KIAA1671: variants seen among roughly 807,000 people sequenced by gnomAD.
The protein encoded by KIAA1671 is KIAA1671, also known as uncharacterized protein KIAA1671.
KIAA1671 carries 52 observed loss-of-function variants against 131.2 expected under a neutral mutation model. That is an observed-to-expected ratio of 0.40 (90% CI 0.32 to 0.50). KIAA1671 has a LOEUF of 0.50. Among genes scored for constraint, KIAA1671 ranks in the 20% least tolerant of loss-of-function variants. The pLI is 0.73. For missense variants in KIAA1671, 2,360 were observed against 2,364.2 expected, an observed-to-expected ratio of 1.00 and a Z score of 0.04; for synonymous variants, 1,003 against 961.6, an observed-to-expected ratio of 1.04 and a Z score of -0.80.
chr22:25,027,336 C>A (rs1162119079), intron 2 of KIAA1671, among the ~76,000 whole-genome samples: 2 of 152,194 alleles, frequency 1.3e-5, no homozygotes, highest in Non-Finnish European at 2.9e-5. Flanking sequence ...CTCCCAGGCA[C>A]TCCTGAGCTG....
chr22:24,993,671 G>A (rs1159071333), intron 1 of KIAA1671, among the ~76,000 whole-genome samples: 1 of 152,122 alleles, frequency 6.6e-6, no homozygotes, highest in African/African-American at 2.4e-5. Context: ...TAAACTCCAC[G>A]TAAACAGGAA....
At chr22:25,185,149 C>T (rs911216798) in intron 11 of KIAA1671, 30 bp downstream of exon 11, 1 of 1,522,684 alleles carries the variant, frequency 6.6e-7, no homozygotes, top group African/African-American at 1.4e-5. Context: ...GGGGGTCCCT[C>T]TCCTTCCAAA....
At position 25,069,325 on chromosome 22, in the gene KIAA1671, C is replaced by T. The variant is rs559164892; in HGVS notation, c.4530+19961C>T. Among the ~76,000 whole-genome samples the T allele has an allele frequency of 3.3e-5, 5 of 152,302 alleles. No homozygotes were observed. The South Asian group carries it at 1.0e-3, about 32-fold the overall frequency. On this transcript the variant is annotated intron_variant, in intron 6 of 12. Transcript: ENST00000358431. ...AGGCTCAGGAGGATGAGGTGACTTG[C>T]TAAAATCATGCTCTTTTGAAGGAAA...
At chr22:25,093,614 A>G (rs1047901224) in intron 6 of KIAA1671, among the ~76,000 whole-genome samples, 4 of 149,906 alleles carry the variant, frequency 2.7e-5, no homozygotes, top group Non-Finnish European at 4.4e-5. Context: ...GGAGGCAGTT[A>G]TTATTATACC....
intron 1 of KIAA1671, among the ~76,000 whole-genome samples, chr22:25,000,907 A>T (rs1174619287): frequency 6.6e-6 from 1 of 151,452 alleles, no homozygotes; most frequent in East Asian, 1.9e-4. Context: ...TCGGCATACC[A>T]AAGTGCTGGG....
intron 1 of KIAA1671, among the ~76,000 whole-genome samples, chr22:25,021,057 G>C (rs1485630338): frequency 1.3e-5 from 2 of 152,124 alleles, no homozygotes; most frequent in African/African-American, 2.4e-5. Context: ...AATCGTCAGT[G>C]AGGAGGCTGA....
intron 9 of KIAA1671, chr22:25,179,520 G>T (rs1934189201): frequency 4.4e-6 from 7 of 1,606,286 alleles, no homozygotes; most frequent in Non-Finnish European, 6.0e-6. Context: ...TGCTCGCGCG[G>T]CTCCACCAGC....
intron 6 of KIAA1671, among the ~76,000 whole-genome samples, chr22:25,091,817 C>G (rs1930042327): frequency 1.3e-5 from 2 of 152,166 alleles, no homozygotes; most frequent in Non-Finnish European, 2.9e-5. Context: ...AATGCTTCAA[C>G]CAGCAAGGAT....
chr22:25,066,267 G>C (rs1370255504), intron 6 of KIAA1671, among the ~76,000 whole-genome samples: 1 of 152,158 alleles, frequency 6.6e-6, no homozygotes, highest in Non-Finnish European at 1.5e-5. Context: ...TCCTACCTCA[G>C]CCTCCTGAGT....
intron 6 of KIAA1671, among the ~76,000 whole-genome samples, chr22:25,152,129 C>G (rs1042574838): frequency 2.0e-5 from 3 of 152,156 alleles, no homozygotes; most frequent in African/African-American, 7.2e-5. Flanking sequence ...CAGGTTACGC[C>G]CACTTTATTT....
At chr22:25,004,119 T>A (rs376145043) in intron 1 of KIAA1671, among the ~76,000 whole-genome samples, 144 of 98,886 alleles carry the variant, frequency 1.5e-3, no homozygotes, top group African/African-American at 1.6e-3. Context: ...GCCCGGCCAT[T>A]TTTTTTTTTT....
intron 6 of KIAA1671, among the ~76,000 whole-genome samples, chr22:25,149,823 T>A (rs1465334076): frequency 6.6e-6 from 1 of 151,744 alleles, no homozygotes; most frequent in Non-Finnish European, 1.5e-5. Flanking sequence ...ACATGGTCCC[T>A]GTACCTTTGC....
Position 25,029,351 on chromosome 22 carries a change from C to A in KIAA1671, c.1352C>A (p.Ala451Asp). The A allele has an allele frequency of 6.4e-7, 1 of 1,550,576 alleles. No homozygotes were observed. Among genetic ancestry groups the A allele is most frequent in the South Asian group, 1.2e-5 (1 of 83,932 alleles). The change falls in exon 3 of 13, where the codon GCC becomes GAC. Residue 451 changes from alanine (A) to aspartate (D), a missense_variant. Coordinates refer to ENST00000358431, the MANE Select transcript of KIAA1671 (RefSeq NM_001145206.2). The part of the protein sequence containing the change: ...ISLFREDSTL[A>D]LAVGSESPLA... ...CTGTTTCGGGAGGACAGCACCTTGG[C>A]CTTGGCAGTGGGGTCTGAATCTCCC... is the stretch of plus-strand genomic sequence containing the variant.
chr22:25,029,650 T>G, intron 3 of KIAA1671, 110 bp downstream of exon 3: 1 of 781,522 alleles, frequency 1.3e-6, no homozygotes, highest in Non-Finnish European at 2.0e-6. Flanking sequence ...AGTTTACCCA[T>G]AGCCCAAGAG....
intron 1 of KIAA1671, among the ~76,000 whole-genome samples, chr22:24,954,836 A>G (rs1325014869): frequency 6.6e-6 from 1 of 152,166 alleles, no homozygotes; most frequent in Non-Finnish European, 1.5e-5. Flanking sequence ...GCTAGAGTGC[A>G]ATGGCGCGAT....
intron 6 of KIAA1671, among the ~76,000 whole-genome samples, chr22:25,118,501 A>C (rs1412205988): frequency 1.3e-5 from 2 of 152,044 alleles, no homozygotes; most frequent in Non-Finnish European, 2.9e-5. Context: ...TTGTTGCCCA[A>C]GGTAGTCTCA....
intron 5 of KIAA1671, among the ~76,000 whole-genome samples, chr22:25,042,243 G>A (rs1602092087): frequency 6.6e-6 from 1 of 152,162 alleles, no homozygotes; most frequent in Non-Finnish European, 1.5e-5. Context: ...TTACACTTCT[G>A]TCCTACAATG....
chr22:25,058,031 A>T (rs73157992), intron 6 of KIAA1671: 1 of 152,184 alleles, frequency 6.6e-6, no homozygotes, highest in African/African-American at 2.4e-5. Flanking sequence ...GGTGTGATGA[A>T]GGATCCAGAT....
intron 6 of KIAA1671, among the ~76,000 whole-genome samples, chr22:25,069,548 T>G (rs1423150208): frequency 6.6e-6 from 1 of 152,052 alleles, no homozygotes; most frequent in African/African-American, 2.4e-5. Context: ...CCAGGAATCA[T>G]GGCTGGGAGG....
Sources: gnomAD v4.1 joint callset for allele counts (sites outside exome capture counted in the v4.1 genomes callset) on GRCh38, gnomAD v4.1.1 for gene constraint, MANE v1.5 for transcripts, NCBI Gene and HGNC (gene_info 2026-07-23, HGNC 2026-07-21) for gene names.